C10orf143: variants seen among roughly 807,000 people sequenced by gnomAD.
The protein encoded by C10orf143 is chromosome 10 open reading frame 143, also known as uncharacterized protein C10orf143.
intron 1 of C10orf143, 22 bp downstream of exon 1, chr10:130,110,682 C>A (rs1412733705): frequency 1.5e-5 from 6 of 398,772 alleles, no homozygotes; most frequent in Non-Finnish European, 2.2e-5. Context: ...CCGTCCCTAA[C>A]GCCCAGGCCC....
At chr10:130,069,441 C>T (rs1860994332) in intron 3 of C10orf143, among the ~76,000 whole-genome samples, 1 of 152,210 alleles carries the variant, frequency 6.6e-6, no homozygotes, top group South Asian at 2.1e-4. Context: ...TGATGAAATA[C>T]AGAACACTAG....
intron 3 of C10orf143, among the ~76,000 whole-genome samples, chr10:130,044,390 C>T (rs76606813): frequency 0.03 from 4,490 of 152,186 alleles, 236 homozygotes; most frequent in African/African-American, 0.1. Context: ...TCCTCCAGCC[C>T]AGCCCAGCCT....
At chr10:130,047,572 C>T (rs1016653510) in intron 3 of C10orf143, among the ~76,000 whole-genome samples, 2 of 152,166 alleles carry the variant, frequency 1.3e-5, no homozygotes, top group East Asian at 1.9e-4. Context: ...TACTAAGGCC[C>T]CCCGCACTCC....
intron 1 of C10orf143, chr10:130,107,883 T>C (rs775406665): frequency 7.8e-6 from 10 of 1,284,690 alleles, no homozygotes; most frequent in East Asian, 7.0e-5. Flanking sequence ...CAATCATATC[T>C]TGATTCAGCT....
chr10:130,055,976 A>G lies in C10orf143; in HGVS notation c.298-20006T>C, dbSNP rs1335318894. ...GTAAAAAAAAAAAAAAAAAAAAAAA[A>G]AAAGAAAGAAAAGAAAAATGGGCCT... On this transcript the variant is annotated intron_variant and NMD_transcript_variant, in intron 3 of 5. Coordinates refer to the C10orf143 transcript ENST00000643056. 1.6e-3 allele frequency among the ~76,000 whole-genome samples: 242 copies of G among 150,244 alleles called. 2 individuals carry two copies. The highest frequency in any genetic ancestry group is 6.8e-3 in the Middle Eastern group (2 of 292).
chr10:130,062,636 G>A (rs992798443), downstream of C10orf143, among the ~76,000 whole-genome samples: 4 of 152,162 alleles, frequency 2.6e-5, no homozygotes. Context: ...CTCTACTTTT[G>A]AGGTTTTGGG....
rs1860913756 is a variant in C10orf143 at position 130,065,329 on chromosome 10, C to T, written c.298-946G>A. On this transcript the variant is annotated intron_variant, in intron 3 of 3. Coordinates refer to ENST00000637128, the MANE Select transcript of C10orf143 (RefSeq NM_001355042.2). This position sits in a 1 kb window ranked among gnomAD's most constrained non-coding sequence, Gnocchi z 4.2. Reference sequence around the variant, plus strand: ...GGAGCCAGGGAAGACAGCACGTGACCCTACCTGGTGAGGGGCCTGAAGAAG... The same window carrying T: ...GGAGCCAGGGAAGACAGCACGTGACTCTACCTGGTGAGGGGCCTGAAGAAG... The T allele has an allele frequency of 6.6e-6, 1 of 152,170 alleles. No individual in the cohort carries two copies. The highest frequency in any genetic ancestry group is 1.5e-5 in the Non-Finnish European group (1 of 68,076). The allele number at this position is 152,170 out of a possible 1,614,324, so 9.4% of individuals were successfully genotyped here.
At chr10:130,062,562 AC>A (rs1315671263), downstream of C10orf143, among the ~76,000 whole-genome samples, 1 of 152,160 alleles carries the variant, frequency 6.6e-6, no homozygotes, top group Non-Finnish European at 1.5e-5. Flanking sequence ...TCTTGGACTT[AC>A]ACCAGTGGTT....
intron 1 of C10orf143, 32 bp from the exon 2 acceptor site, chr10:130,079,933 C>A: frequency 5.0e-6 from 2 of 398,566 alleles, no homozygotes; most frequent in South Asian, 1.3e-4. Context: ...TTTAGATGGT[C>A]TCATAAAGCA....
intron 1 of C10orf143, among the ~76,000 whole-genome samples, chr10:130,096,693 G>A (rs1171738): frequency 0.57 from 84,916 of 148,188 alleles, 25,800 homozygotes; most frequent in Admixed American, 0.69. Context: ...ACACACTGGG[G>A]CTTTTCAGGG....
rs1860894642 is a variant in C10orf143, at chr10:130,064,345, T to C, written c.*9A>G. 2.5e-6 allele frequency: 1 copy of C among 398,478 alleles called. No homozygotes were observed. The highest frequency in any genetic ancestry group is 2.1e-5 in the African/African-American group (1 of 48,608). 24.7% of individuals were successfully genotyped at this position (398,478 alleles called of 1,614,324 possible). On this transcript the variant is annotated 3_prime_UTR_variant, in exon 4 of 4. Coordinates refer to ENST00000637128, the MANE Select transcript of C10orf143 (RefSeq NM_001355042.2). ...AAACTGGGACCTTCTTTTTTCCAGC[T>C]TGCATCTTCTAATGATTCTTGGTAT...
chr10:130,101,849 CAAAAAAAAAAAAAACCAAAAAAAAAA>C (rs1204856024), intron 1 of C10orf143, among the ~76,000 whole-genome samples: 3 of 26,928 alleles, frequency 1.1e-4, no homozygotes, highest in African/African-American at 2.0e-4. Flanking sequence ...GACTCTGTCT[CAAAAAAAAAAAAAACCAAAAAAAAAA>C]AAAAAAAAAA....
intron 3 of C10orf143, among the ~76,000 whole-genome samples, chr10:130,055,770 C>A (rs1355157103): frequency 1.3e-5 from 2 of 151,550 alleles, no homozygotes; most frequent in Non-Finnish European, 2.9e-5. Context: ...ATGGTGAAAC[C>A]CCATCTCTAC....
chr10:130,105,594 G>T (rs1283687728), intron 1 of C10orf143, among the ~76,000 whole-genome samples: 2 of 152,098 alleles, frequency 1.3e-5, no homozygotes, highest in Admixed American at 1.3e-4. Flanking sequence ...GCTGGGCATG[G>T]TGGCGGGCAC....
downstream of C10orf143, among the ~76,000 whole-genome samples, chr10:130,058,928 T>C (rs1392564591): frequency 6.6e-6 from 1 of 151,960 alleles, no homozygotes; most frequent in Non-Finnish European, 1.5e-5. Flanking sequence ...TATATTTTAA[T>C]AAAAAGGCCA....
intron 1 of C10orf143, chr10:130,106,543 G>A: frequency 6.3e-7 from 1 of 1,595,694 alleles, no homozygotes; most frequent in Non-Finnish European, 8.6e-7. Flanking sequence ...ATGAATTGAT[G>A]GCGGATATTT....
chr10:130,069,490 G>C (rs1860995230), intron 3 of C10orf143, among the ~76,000 whole-genome samples: 1 of 152,174 alleles, frequency 6.6e-6, no homozygotes, highest in Non-Finnish European at 1.5e-5. Flanking sequence ...CATGTGAATG[G>C]AGTTTTGTTC....
rs1481459912 is a variant in C10orf143, at chr10:130,087,941, C to G, written c.70-8040G>C. Among the ~76,000 whole-genome samples the G allele has an allele frequency of 5.3e-5, 8 of 152,340 alleles. No homozygotes were observed. The South Asian group carries it at 1.4e-3, about 28-fold the overall frequency. On this transcript the variant is annotated intron_variant, in intron 1 of 3. Coordinates refer to ENST00000637128, the MANE Select transcript of C10orf143 (RefSeq NM_001355042.2). The stretch of plus-strand genomic sequence containing the variant: ...AGGCATGGTTCTCTGACCTCTTCAA[C>G]AGAAAAGCACCACATACTCTCTTCA...
intron 3 of C10orf143, among the ~76,000 whole-genome samples, chr10:130,037,260 T>C (rs551540398): frequency 6.6e-6 from 1 of 152,324 alleles, no homozygotes; most frequent in South Asian, 2.1e-4. Context: ...TTCCGCCGTA[T>C]GTTACATGTC....
Sources: allele counts gnomAD v4.1 joint callset (sites outside exome capture counted in the v4.1 genomes callset), GRCh38; gene constraint gnomAD v4.1.1; non-coding constraint Gnocchi (gnomAD v3.1); transcripts MANE v1.5; gene names NCBI Gene and HGNC (gene_info 2026-07-23, HGNC 2026-07-21).